The following EXOC6B variants were observed in gnomAD, a reference collection of about 807,000 sequenced individuals.
EXOC6B encodes the protein exocyst complex component 6B, also known as SEC15 homolog B.
Under a neutral mutation model 113.5 loss-of-function variants are expected in EXOC6B, and 54 were observed. That is an observed-to-expected ratio of 0.48 (90% CI 0.38 to 0.60). EXOC6B has a LOEUF of 0.60. Ranked by LOEUF, EXOC6B falls within the 20% of genes least tolerant of loss-of-function variation. The pLI, the probability that EXOC6B is intolerant of heterozygous loss-of-function variation, is 0.00. For synonymous variants in EXOC6B, 357 were observed against 339.0 expected (o/e 1.05, Z -0.58); for missense variants, 797 against 977.5 (o/e 0.82, Z 2.46).
At chr2:72,397,898 A>G (rs1023164528) in intron 18 of EXOC6B, among the ~76,000 whole-genome samples, 8 of 152,124 alleles carry the variant, frequency 5.3e-5, no homozygotes, top group Non-Finnish European at 7.4e-5. Context: ...TAAAGATCCC[A>G]CCATATCTGA....
intron 8 of EXOC6B, among the ~76,000 whole-genome samples, chr2:72,547,830 T>A (rs1380509901): frequency 6.6e-6 from 1 of 152,198 alleles, no homozygotes; most frequent in Non-Finnish European, 1.5e-5. Context: ...GTTCACTACA[T>A]ACAAGAACCT....
At chr2:72,452,620 A>G (rs1365514886) in intron 18 of EXOC6B, among the ~76,000 whole-genome samples, 1 of 152,186 alleles carries the variant, frequency 6.6e-6, no homozygotes, top group Non-Finnish European at 1.5e-5. Flanking sequence ...CTGAGAAGGA[A>G]AACCATGAGC....
At chr2:72,294,715 GTC>G (rs1686021323) in intron 20 of EXOC6B, among the ~76,000 whole-genome samples, 2 of 151,648 alleles carry the variant, frequency 1.3e-5, no homozygotes, top group South Asian at 4.2e-4. Context: ...CTTTGATTTT[GTC>G]TTTGCTAATA....
intron 2 of EXOC6B, among the ~76,000 whole-genome samples, chr2:72,738,806 T>C (rs920422768): frequency 2.0e-5 from 3 of 152,032 alleles, no homozygotes; most frequent in Admixed American, 2.0e-4. Flanking sequence ...CGAAACCCCA[T>C]CTCTACTAAA....
At chr2:72,514,609 T>A (rs62149335) in intron 10 of EXOC6B, 25 bp downstream of exon 10, 300 of 322,084 alleles carry the variant, frequency 9.3e-4, no homozygotes, top group Admixed American at 1.9e-3. Context: ...TAAATAAATA[T>A]ATATATATAT....
At chr2:72,233,316 C>A (rs960463486) in intron 20 of EXOC6B, among the ~76,000 whole-genome samples, 6 of 152,086 alleles carry the variant, frequency 3.9e-5, no homozygotes, top group Non-Finnish European at 7.3e-5. Flanking sequence ...ACTGACCCTG[C>A]AGGCCAATCA....
intron 19 of EXOC6B, among the ~76,000 whole-genome samples, chr2:72,379,347 G>A (rs531328144): frequency 6.6e-6 from 1 of 152,276 alleles, no homozygotes; most frequent in South Asian, 2.1e-4. Flanking sequence ...ACTAACAATA[G>A]TTTGCATATA....
chr2:72,431,389 G>A (rs903720189), intron 18 of EXOC6B, among the ~76,000 whole-genome samples: 4 of 152,058 alleles, frequency 2.6e-5, no homozygotes, highest in Admixed American at 6.6e-5. Context: ...ACAGCTCACT[G>A]CAGCTTTGAA....
chr2:72,465,032 A>G, intron 18 of EXOC6B, 128 bp downstream of exon 18: 1 of 717,668 alleles, frequency 1.4e-6, no homozygotes, highest in South Asian at 1.9e-5. Context: ...GTTAATAAAT[A>G]TAGCATGCGC....
chr2:72,643,789 A>G (rs921529603), intron 6 of EXOC6B, among the ~76,000 whole-genome samples: 1 of 151,386 alleles, frequency 6.6e-6, no homozygotes, highest in Admixed American at 6.6e-5. Flanking sequence ...TTAAAAAAAA[A>G]GAAGCAATAA....
intron 19 of EXOC6B, among the ~76,000 whole-genome samples, chr2:72,351,862 A>G (rs892167933): frequency 2.0e-5 from 3 of 152,188 alleles, no homozygotes; most frequent in Admixed American, 2.0e-4. Flanking sequence ...TACATCTTGC[A>G]AGATCTAACA....
At chr2:72,425,225 C>G (rs1695136608) in intron 18 of EXOC6B, among the ~76,000 whole-genome samples, 1 of 152,124 alleles carries the variant, frequency 6.6e-6, no homozygotes, top group Non-Finnish European at 1.5e-5. Context: ...ATTTCCCCTT[C>G]TTCCCCTCAA....
At chr2:72,352,876 A>T (rs930418323) in intron 19 of EXOC6B, among the ~76,000 whole-genome samples, 1 of 152,074 alleles carries the variant, frequency 6.6e-6, no homozygotes, top group Non-Finnish European at 1.5e-5. Flanking sequence ...ATGGTATTTA[A>T]TATGGTTTCC....
chr2:72,612,419 T>C (rs1376435121), intron 6 of EXOC6B, among the ~76,000 whole-genome samples: 1 of 152,200 alleles, frequency 6.6e-6, no homozygotes, highest in African/African-American at 2.4e-5. Flanking sequence ...GGTCTTTGCC[T>C]ATCCATTATC....
chr2:72,522,432 C>T (rs1204924070), intron 8 of EXOC6B, among the ~76,000 whole-genome samples: 1 of 151,746 alleles, frequency 6.6e-6, no homozygotes, highest in Non-Finnish European at 1.5e-5. Flanking sequence ...TTTTTTTTAA[C>T]CTTTTGTTTA....
chr2:72,259,218 G>C (rs1252326053), intron 20 of EXOC6B, among the ~76,000 whole-genome samples: 1 of 152,088 alleles, frequency 6.6e-6, no homozygotes, highest in Non-Finnish European at 1.5e-5. Context: ...TTCCCGCCTA[G>C]ATTAGTTTTG....
chr2:72,770,829 G>C (rs1181659422), intron 1 of EXOC6B, among the ~76,000 whole-genome samples: 1 of 152,044 alleles, frequency 6.6e-6, no homozygotes, highest in Non-Finnish European at 1.5e-5. Flanking sequence ...GAGAGACAGA[G>C]AGAACTGAGG....
intron 17 of EXOC6B, among the ~76,000 whole-genome samples, chr2:72,474,648 C>T (rs1452114622): frequency 2.0e-5 from 3 of 151,972 alleles, no homozygotes; most frequent in Non-Finnish European, 4.4e-5. Context: ...ATTTCTTATT[C>T]ATATCATGCA....
At chr2:72,379,019 T>C (rs1301263966) in intron 19 of EXOC6B, among the ~76,000 whole-genome samples, 1 of 152,176 alleles carries the variant, frequency 6.6e-6, no homozygotes, top group Non-Finnish European at 1.5e-5. Flanking sequence ...GGAAAGTTTG[T>C]CAGGGATCTC....
Sources: allele counts gnomAD v4.1 joint callset (sites outside exome capture counted in the v4.1 genomes callset), GRCh38; gene constraint gnomAD v4.1.1; transcripts MANE v1.5; gene names NCBI Gene and HGNC (gene_info 2026-07-23, HGNC 2026-07-21).